The following NOMO1 variants were observed in gnomAD, a reference collection of about 807,000 sequenced individuals.
The protein encoded by NOMO1 is NODAL modulator 1, also known as nodal modulator 3.
NOMO1 carries 40 observed loss-of-function variants against 133.8 expected under a neutral mutation model. That is an observed-to-expected ratio of 0.30 (90% CI 0.23 to 0.39). The LOEUF (loss-of-function observed/expected upper bound fraction) is 0.39. Ranked by LOEUF, NOMO1 falls within the 10% of genes least tolerant of loss-of-function variation. NOMO1 has a pLI of 1.00. For missense variants in NOMO1, 462 were observed against 1,419.9 expected, an observed-to-expected ratio of 0.33 and a Z score of 10.84; for synonymous variants, 236 against 570.5, an observed-to-expected ratio of 0.41 and a Z score of 8.36.
Position 14,889,235 on chromosome 16 carries a change from A to T in NOMO1, c.3444+20A>T, listed in dbSNP as rs757048545. ...CCCACGGTAAGTAAAAGAGGGAGTTAAAAAAAAACCCATGGGCTGGGTTTG... is the reference window on the plus strand; with the variant it reads ...CCCACGGTAAGTAAAAGAGGGAGTTTAAAAAAAACCCATGGGCTGGGTTTG... On this transcript the variant is annotated intron_variant, in intron 29 of 30. Transcript: ENST00000287667. The T allele has an allele frequency of 5.0e-6, 8 of 1,606,212 alleles. No homozygotes were observed. The highest frequency in any genetic ancestry group is 2.2e-5 in the South Asian group (2 of 90,734).
At chr16:14,874,677 C>T (rs1187820605) in intron 18 of NOMO1, among the ~76,000 whole-genome samples, 1 of 151,958 alleles carries the variant, frequency 6.6e-6, no homozygotes, top group Non-Finnish European at 1.5e-5. Context: ...GATGCTGTAT[C>T]CTTGGTGCCT....
chr16:14,872,094 A>G (rs1298195580), intron 17 of NOMO1, 140 bp from the exon 18 acceptor site: 4 of 868,108 alleles, frequency 4.6e-6, no homozygotes, highest in African/African-American at 3.3e-5. Context: ...ACTTCTCTGG[A>G]TCTCCAGAGT....
At chr16:14,889,528 T>C (rs1257781665) in intron 29 of NOMO1, among the ~76,000 whole-genome samples, 1 of 151,832 alleles carries the variant, frequency 6.6e-6, no homozygotes, top group Non-Finnish European at 1.5e-5. Context: ...TGAGACCCTT[T>C]CTCCAGAAGA....
Position 14,896,157 on chromosome 16 carries a change from A to G in NOMO1, c.*512A>G. On this transcript the variant is annotated 3_prime_UTR_variant, in exon 31 of 31. Coordinates refer to ENST00000287667, the MANE Select transcript of NOMO1 (RefSeq NM_014287.4). ...GGCCCATTCATTTGTGTTGTAGCTC[A>G]TCATAGATGTATTTCTTGGATGACA... 6.3e-7 allele frequency: 1 copy of G among 1,596,970 alleles called. No individual in the cohort carries two copies. The highest frequency in any genetic ancestry group is 1.3e-5 in the African/African-American group (1 of 74,464).
At position 14,839,334 on chromosome 16, in the gene NOMO1, G is replaced by T. The variant is rs1311708322; in HGVS notation, c.255+838G>T. On this transcript the variant is annotated intron_variant, in intron 2 of 30. Transcript: ENST00000287667. ...GCCTCCCAAAGTGCTGGGATTACAG[G>T]TGTGAGCCGATGTTTCCGGCCCTCT... is the stretch of plus-strand genomic sequence containing the variant. 1.2e-4 allele frequency among the ~76,000 whole-genome samples: 19 copies of T among 152,098 alleles called. No individual in the cohort carries two copies. In the East Asian group the frequency reaches 3.7e-3, roughly 30 times the overall value.
In NOMO1 at chr16:14,846,438, G is replaced by A. The variant is rs1167977010; in HGVS notation, c.403-139G>A. On this transcript the variant is annotated intron_variant, in intron 4 of 30. Transcript: ENST00000287667. ...CCTCATCCCCAGGAAACATATCCAT[G>A]ATTTATAGCATCTTTTCAATGGGAT... 5 of 541,670 alleles carry A rather than the reference G, an allele frequency of 9.2e-6. No homozygotes were observed. In the East Asian group the frequency reaches 1.6e-4, roughly 18 times the overall value. The allele number at this position is 541,670 out of a possible 1,614,324, so 33.6% of individuals were successfully genotyped here.
intron 3 of NOMO1, among the ~76,000 whole-genome samples, chr16:14,842,072 A>G (rs1963611432): frequency 6.6e-6 from 1 of 151,998 alleles, no homozygotes; most frequent in Non-Finnish European, 1.5e-5. Flanking sequence ...CAAAAGCTCC[A>G]AACTTTCCTC....
intron 27 of NOMO1, 105 bp downstream of exon 27, chr16:14,884,587 A>T (rs1289735135): frequency 6.4e-7 from 1 of 1,572,084 alleles, no homozygotes; most frequent in Non-Finnish European, 8.7e-7. Context: ...CTTAGGTGTG[A>T]CAGGTGGAGG....
chr16:14,867,257 G>A (rs1419450175), intron 15 of NOMO1, among the ~76,000 whole-genome samples: 10 of 73,912 alleles, frequency 1.4e-4, no homozygotes, highest in African/African-American at 4.4e-4. Context: ...GTGCAATCTC[G>A]GCTCACTGAA....
At position 14,833,768 on chromosome 16, in the gene NOMO1, A is replaced by G; in HGVS notation, c.-84A>G. 3 of 492,436 alleles carry G rather than the reference A, an allele frequency of 6.1e-6. No homozygotes were observed. The highest frequency in any genetic ancestry group is 9.9e-6 in the Non-Finnish European group (3 of 302,506). 30.5% of individuals were successfully genotyped at this position (492,436 alleles called of 1,614,324 possible). Reference sequence around the variant, plus strand: ...CGGGGCCTGGGCTGTCAGCCGGCCTAGGAGGAGGAAGGAGCCTGCGGCGTG... The same window carrying G: ...CGGGGCCTGGGCTGTCAGCCGGCCTGGGAGGAGGAAGGAGCCTGCGGCGTG... On this transcript the variant is annotated 5_prime_UTR_variant, in exon 1 of 31. Transcript: ENST00000287667.
intron 5 of NOMO1, among the ~76,000 whole-genome samples, chr16:14,847,064 A>G (rs889202296): frequency 2.0e-5 from 3 of 149,480 alleles, no homozygotes; most frequent in Non-Finnish European, 3.0e-5. Flanking sequence ...GTAGAGTCCC[A>G]CGGGGGAAGA....
chr16:14,884,263 T>C (rs1380984003), intron 26 of NOMO1, 109 bp from the exon 27 acceptor site: 1 of 1,512,362 alleles, frequency 6.6e-7, no homozygotes, highest in African/African-American at 1.4e-5. Context: ...GCTTCCTTAA[T>C]GTAAGAAGCA....
intron 22 of NOMO1, among the ~76,000 whole-genome samples, chr16:14,878,166 A>G (rs1964187423): frequency 6.7e-6 from 1 of 148,192 alleles, no homozygotes; most frequent in Admixed American, 6.8e-5. Flanking sequence ...TGTGAACAAT[A>G]ATATGTAATG....
intron 6 of NOMO1, among the ~76,000 whole-genome samples, chr16:14,850,705 GAT>G (rs769312866): frequency 6.6e-6 from 1 of 151,722 alleles, no homozygotes; most frequent in African/African-American, 2.4e-5. Flanking sequence ...TATAATTGAT[GAT>G]AGTTTCACAC....
intron 30 of NOMO1, 35 bp from the exon 31 acceptor site, chr16:14,895,477 TTG>T: frequency 1.2e-6 from 2 of 1,611,170 alleles, no homozygotes; most frequent in Non-Finnish European, 1.7e-6. Context: ...AGCCTCCTCT[TTG>T]TACCCCTCTC....
rs138480851 is a variant in NOMO1, at chr16:14,875,021, C to T, written c.2055-15C>T. The T allele has an allele frequency of 2.0e-4, 319 of 1,613,770 alleles. 6 individuals are homozygous for T. The East Asian group carries it at 6.4e-3, about 32-fold the overall frequency. On this transcript the variant is annotated splice_polypyrimidine_tract_variant and intron_variant, in intron 18 of 30. Coordinates refer to ENST00000287667, the MANE Select transcript of NOMO1 (RefSeq NM_014287.4). ...AGGATACGCAACTATGTCCTAGGGG[C>T]CGTCTTTCTTCTAGGTCTTCCATCG...
At chr16:14,885,027 A>C (rs1444297772) in intron 27 of NOMO1, among the ~76,000 whole-genome samples, 2 of 152,028 alleles carry the variant, frequency 1.3e-5, no homozygotes, top group Non-Finnish European at 2.9e-5. Context: ...GGGAGCAGGC[A>C]TGTCATGTGG....
chr16:14,892,903 A>T (rs1597119031), intron 29 of NOMO1, among the ~76,000 whole-genome samples: 2 of 89,014 alleles, frequency 2.2e-5, no homozygotes, highest in South Asian at 8.8e-4. Flanking sequence ...TCAGCTTTGC[A>T]CGTTCACGGG....
chr16:14,842,190 G>T (rs1225619076), intron 3 of NOMO1, among the ~76,000 whole-genome samples: 1 of 150,738 alleles, frequency 6.6e-6, no homozygotes, highest in Non-Finnish European at 1.5e-5. Context: ...GACTCTTGAT[G>T]TTTCAGTAGA....
Sources: gnomAD v4.1 joint callset for allele counts (sites outside exome capture counted in the v4.1 genomes callset) on GRCh38, gnomAD v4.1.1 for gene constraint, MANE v1.5 for transcripts, NCBI Gene and HGNC (gene_info 2026-07-23, HGNC 2026-07-21) for gene names.